The following CSNK2A2 variants were observed in gnomAD, a reference collection of about 807,000 sequenced individuals.
The protein encoded by CSNK2A2 is casein kinase 2 alpha 2.
In CSNK2A2, 8 loss-of-function variants were observed where a neutral mutation model predicts 54.0. The ratio of observed to expected loss-of-function variants is 0.15; its 90% confidence interval spans 0.09 to 0.27. The LOEUF (loss-of-function observed/expected upper bound fraction) is 0.27. Among genes scored for constraint, CSNK2A2 ranks in the 10% least tolerant of loss-of-function variants. The probability of loss-of-function intolerance (pLI) is 1.00; values close to 1 mark genes in which losing one functional copy is unlikely to be tolerated. For synonymous variants in CSNK2A2, 141 were observed against 153.9 expected, an observed-to-expected ratio of 0.92 and a Z score of 0.62; for missense variants, 242 against 439.4, an observed-to-expected ratio of 0.55 and a Z score of 4.02.
chr16:58,183,422 C>T (rs1962113716), intron 4 of CSNK2A2, among the ~76,000 whole-genome samples: 2 of 151,760 alleles, frequency 1.3e-5, no homozygotes, highest in African/African-American at 4.8e-5. Flanking sequence ...TTACTTTTAC[C>T]CAGAACCATC....
intron 3 of CSNK2A2, among the ~76,000 whole-genome samples, chr16:58,185,308 G>A (rs1361047212): frequency 6.6e-6 from 1 of 152,182 alleles, no homozygotes; most frequent in South Asian, 2.1e-4. Context: ...TCACCAGCCC[G>A]AAGCTGTAAG....
At chr16:58,182,995 A>G (rs187314463) in intron 4 of CSNK2A2, among the ~76,000 whole-genome samples, 124 of 152,334 alleles carry the variant, frequency 8.1e-4, no homozygotes, top group Non-Finnish European at 1.5e-3. Flanking sequence ...TTATTGTTTT[A>G]TAAGTCAAAA....
intron 2 of CSNK2A2, among the ~76,000 whole-genome samples, chr16:58,195,958 CA>C (rs1390124895): frequency 6.6e-6 from 1 of 152,134 alleles, no homozygotes; most frequent in Non-Finnish European, 1.5e-5. Context: ...ACTTTACTGC[CA>C]AAGGAAAAAA....
chr16:58,185,053 G>C (rs566468340), intron 3 of CSNK2A2, among the ~76,000 whole-genome samples: 1 of 152,090 alleles, frequency 6.6e-6, no homozygotes, highest in East Asian at 1.9e-4. Flanking sequence ...TGTAAATCTA[G>C]ATTTTCAAAT....
intron 10 of CSNK2A2, 118 bp from the exon 11 acceptor site, chr16:58,164,265 G>C (rs1567462664): frequency 2.6e-6 from 2 of 772,170 alleles, no homozygotes; most frequent in Admixed American, 2.3e-5. Context: ...CCAGGGTCAG[G>C]GGGGCAACAG....
intron 4 of CSNK2A2, among the ~76,000 whole-genome samples, chr16:58,183,842 AAC>A (rs1312292730): frequency 2.0e-5 from 3 of 152,170 alleles, no homozygotes; most frequent in Non-Finnish European, 2.9e-5. Flanking sequence ...CACGTGCGCA[AAC>A]ACACACTTTG....
At chr16:58,167,598 T>A in intron 7 of CSNK2A2, 87 bp downstream of exon 7, 3 of 992,112 alleles carry the variant, frequency 3.0e-6, no homozygotes. Context: ...GGGTTTTGAG[T>A]GTATTCAAAC....
At chr16:58,179,083 TAA>T (rs1188634575) in intron 4 of CSNK2A2, among the ~76,000 whole-genome samples, 1 of 152,234 alleles carries the variant, frequency 6.6e-6, no homozygotes, top group African/African-American at 2.4e-5. Context: ...TTTGGTATAC[TAA>T]AAGTATTGTG....
Position 58,181,300 on chromosome 16 carries a change from T to C in CSNK2A2, c.369+2960A>G, listed in dbSNP as rs953009021. 2.6e-5 allele frequency among the ~76,000 whole-genome samples: 4 copies of C among 152,164 alleles called. No individual in the cohort carries two copies. The East Asian group carries it at 5.8e-4, about 22-fold the overall frequency. ...AATGTTCAGGACGGGGGACCTCCAA[T>C]GTTGGTTTAAGAGAGGAAACAGAGT... On this transcript the variant is annotated intron_variant, in intron 4 of 11. Transcript: ENST00000262506.
At chr16:58,161,447 T>A (rs1961354475) in intron 11 of CSNK2A2, 2 of 151,552 alleles carry the variant, frequency 1.3e-5, no homozygotes, top group African/African-American at 2.4e-5. Flanking sequence ...CTGAGATGAG[T>A]TTAAGAAAGA....
chr16:58,187,574 T>C (rs182669897), intron 2 of CSNK2A2, among the ~76,000 whole-genome samples: 2 of 152,342 alleles, frequency 1.3e-5, no homozygotes, highest in Admixed American at 6.5e-5. Context: ...TATTACTCCT[T>C]GTCTTAAATG....
chr16:58,165,444 T>C, intron 10 of CSNK2A2, 116 bp downstream of exon 10: 2 of 1,153,120 alleles, frequency 1.7e-6, no homozygotes, highest in Non-Finnish European at 1.2e-6. Flanking sequence ...GGCCAAATTC[T>C]AGGAATAATC....
At chr16:58,189,659 A>C (rs1222282846) in intron 2 of CSNK2A2, among the ~76,000 whole-genome samples, 1 of 152,184 alleles carries the variant, frequency 6.6e-6, no homozygotes, top group Non-Finnish European at 1.5e-5. Flanking sequence ...TAAACTTCCC[A>C]AACTAGAGAC....
chr16:58,192,846 C>T lies in CSNK2A2; in HGVS notation c.216+3887G>A, dbSNP rs1427999949. On this transcript the variant is annotated intron_variant, in intron 2 of 11. Coordinates refer to ENST00000262506, the MANE Select transcript of CSNK2A2 (RefSeq NM_001896.4). ...GCTTCCACCCCCTGACTACATGACG[C>T]TGAGCATATACATCCTTTCTCTGGG... The T allele has an allele frequency of 5.3e-5, 8 of 152,238 alleles. No individual in the cohort carries two copies. In the East Asian group the frequency reaches 5.8e-4, roughly 11 times the overall value. 9.4% of individuals were successfully genotyped at this position (152,238 alleles called of 1,614,324 possible).
chr16:58,191,659 A>G (rs1386997296), intron 2 of CSNK2A2, among the ~76,000 whole-genome samples: 1 of 151,602 alleles, frequency 6.6e-6, no homozygotes, highest in Non-Finnish European at 1.5e-5. Flanking sequence ...CACCGCGCCT[A>G]GCCTATGTTA....
intron 5 of CSNK2A2, among the ~76,000 whole-genome samples, chr16:58,171,445 C>G (rs983082724): frequency 6.6e-6 from 1 of 152,002 alleles, no homozygotes; most frequent in African/African-American, 2.4e-5. Context: ...ACTGCTTGAA[C>G]CCGGGAGGTG....
intron 4 of CSNK2A2, among the ~76,000 whole-genome samples, chr16:58,179,472 GC>G (rs1421282887): frequency 1.3e-4 from 19 of 151,300 alleles, no homozygotes; most frequent in Admixed American, 1.3e-4. Flanking sequence ...CTGCACTCCA[GC>G]CTGGGTGAGA....
At chr16:58,163,282 A>G (rs1961448901) in intron 11 of CSNK2A2, 1 of 151,618 alleles carries the variant, frequency 6.6e-6, no homozygotes, top group African/African-American at 2.4e-5. Flanking sequence ...AAAAAAGAAA[A>G]AGCAACAAAA....
intron 5 of CSNK2A2, among the ~76,000 whole-genome samples, chr16:58,171,824 G>A (rs891159332): frequency 2.7e-5 from 4 of 150,178 alleles, no homozygotes; most frequent in Non-Finnish European, 5.9e-5. Context: ...GCCTTGCTCT[G>A]TTGCCCAGGC....
Sources: gnomAD v4.1 joint callset for allele counts (sites outside exome capture counted in the v4.1 genomes callset) on GRCh38, gnomAD v4.1.1 for gene constraint, MANE v1.5 for transcripts, NCBI Gene and HGNC (gene_info 2026-07-23, HGNC 2026-07-21) for gene names.